CENPP: variants seen among roughly 807,000 people sequenced by gnomAD.
CENPP encodes centromere protein P.
In CENPP, 24 loss-of-function variants were observed where a neutral mutation model predicts 35.6. The observed-to-expected ratio is 0.67, with a 90% CI of 0.49 to 0.95. The LOEUF (loss-of-function observed/expected upper bound fraction) is 0.95. CENPP is among the 40% of genes least tolerant of loss of function. The pLI, the probability that CENPP is intolerant of heterozygous loss-of-function variation, is 0.00. For missense variants in CENPP, 332 were observed against 345.3 expected (o/e 0.96, Z 0.31); for synonymous variants, 120 against 125.5 (o/e 0.96, Z 0.29).
At chr9:92,407,679 T>A (rs1368710045) in intron 5 of CENPP, among the ~76,000 whole-genome samples, 2 of 152,164 alleles carry the variant, frequency 1.3e-5, no homozygotes, top group Non-Finnish European at 2.9e-5. Context: ...CGATCATGAC[T>A]CTCTGCAGCC....
intron 5 of CENPP, chr9:92,502,400 C>A: frequency 7.7e-7 from 1 of 1,306,672 alleles, no homozygotes; most frequent in Non-Finnish European, 1.1e-6. Context: ...GTCTCCGAGC[C>A]CTTCAGTATC....
At chr9:92,506,723 G>C (rs1847028961) in intron 5 of CENPP, among the ~76,000 whole-genome samples, 3 of 152,134 alleles carry the variant, frequency 2.0e-5, no homozygotes, top group Admixed American at 2.0e-4. Flanking sequence ...CAGACAGAAA[G>C]ATTTAGATAG....
At chr9:92,429,716 G>A (rs1844056155) in intron 5 of CENPP, among the ~76,000 whole-genome samples, 2 of 152,098 alleles carry the variant, frequency 1.3e-5, no homozygotes, top group South Asian at 2.1e-4. Context: ...GAACCCAGGA[G>A]GCGGAGGTTG....
At chr9:92,359,113 C>T (rs1841671687) in intron 4 of CENPP, among the ~76,000 whole-genome samples, 1 of 151,912 alleles carries the variant, frequency 6.6e-6, no homozygotes, top group Non-Finnish European at 1.5e-5. Flanking sequence ...CCACACCCAG[C>T]TAATTTTGTA....
chr9:92,609,387 G>A (rs1005696025), intron 5 of CENPP, among the ~76,000 whole-genome samples: 2 of 152,230 alleles, frequency 1.3e-5, no homozygotes. Flanking sequence ...CAAGTCTCTG[G>A]AGCAGCAGGA....
At chr9:92,431,674 A>G (rs948629055) in intron 5 of CENPP, among the ~76,000 whole-genome samples, 4 of 151,972 alleles carry the variant, frequency 2.6e-5, no homozygotes, top group Non-Finnish European at 5.9e-5. Flanking sequence ...TCCCAGGTTC[A>G]AGCAATTCTT....
chr9:92,375,219 G>A (rs372179449), intron 4 of CENPP, among the ~76,000 whole-genome samples: 2 of 151,080 alleles, frequency 1.3e-5, no homozygotes, highest in African/African-American at 2.4e-5. Context: ...CTTAGGCTCC[G>A]TTTATTTTTC....
chr9:92,492,943 C>T (rs1245200512), intron 5 of CENPP, among the ~76,000 whole-genome samples: 9 of 152,144 alleles, frequency 5.9e-5, no homozygotes, highest in Non-Finnish European at 1.2e-4. Flanking sequence ...CCATTTAAGG[C>T]GGTCAGGGGC....
chr9:92,515,915 G>C (rs1219958816), intron 5 of CENPP, among the ~76,000 whole-genome samples: 2 of 152,134 alleles, frequency 1.3e-5, no homozygotes, highest in Non-Finnish European at 2.9e-5. Context: ...ATGATGGTGG[G>C]AGTAGAATAG....
chr9:92,556,301 G>T (rs1849722799), intron 5 of CENPP, among the ~76,000 whole-genome samples: 1 of 151,990 alleles, frequency 6.6e-6, no homozygotes, highest in Non-Finnish European at 1.5e-5. Context: ...TCATTTTATG[G>T]CCTATCATAT....
At chr9:92,432,821 T>C (rs1844147748) in intron 5 of CENPP, among the ~76,000 whole-genome samples, 1 of 152,246 alleles carries the variant, frequency 6.6e-6, no homozygotes, top group South Asian at 2.1e-4. Flanking sequence ...AGATGCATTT[T>C]ACTTGGTGAA....
intron 5 of CENPP, among the ~76,000 whole-genome samples, chr9:92,521,118 T>C (rs1466136124): frequency 3.3e-5 from 5 of 152,232 alleles, no homozygotes; most frequent in African/African-American, 1.2e-4. Flanking sequence ...TTATGTGTGG[T>C]GATACAATCA....
intron 5 of CENPP, chr9:92,393,107 C>T (rs780550892): frequency 2.3e-5 from 37 of 1,613,254 alleles, no homozygotes; most frequent in Middle Eastern, 1.6e-4. Context: ...AAATCTTTGG[C>T]AGTCAGCTTT....
chr9:92,373,419 TG>T (rs1276289027), intron 4 of CENPP, among the ~76,000 whole-genome samples: 1 of 152,228 alleles, frequency 6.6e-6, no homozygotes, highest in Non-Finnish European at 1.5e-5. Flanking sequence ...GAATTTGTTT[TG>T]TTCTTTTAAA....
intron 5 of CENPP, chr9:92,389,739 TATTAA>T (rs1198809130): frequency 8.9e-6 from 6 of 673,966 alleles, no homozygotes; most frequent in Non-Finnish European, 1.5e-5. Flanking sequence ...TGTCTTCATT[TATTAA>T]ATCAAAATAG....
At chr9:92,515,917 G>A (rs1383437094) in intron 5 of CENPP, among the ~76,000 whole-genome samples, 2 of 152,162 alleles carry the variant, frequency 1.3e-5, no homozygotes, top group African/African-American at 4.8e-5. Flanking sequence ...GATGGTGGGA[G>A]TAGAATAGAT....
intron 4 of CENPP, among the ~76,000 whole-genome samples, chr9:92,359,639 C>T (rs369234632): frequency 7.9e-5 from 12 of 152,070 alleles, no homozygotes; most frequent in South Asian, 4.1e-4. Flanking sequence ...CCTTTTAAGT[C>T]CCCTGGAAAT....
In CENPP at chr9:92,615,202, A is replaced by G. The variant is rs1851395837; in HGVS notation, c.*2053A>G. The G allele has an allele frequency of 6.6e-6, 1 of 152,348 alleles. No individual in the cohort carries two copies. 9.4% of individuals were successfully genotyped at this position (152,348 alleles called of 1,614,324 possible). A position where few individuals can be genotyped will look rare whatever the true frequency, so the allele number is the denominator to read the frequency against. On this transcript the variant is annotated 3_prime_UTR_variant, in exon 8 of 8. Transcript: ENST00000375587. ...CATGAGTGGTGTCCATCCTGACCTGAGCCTTGCGCTCCCTGCTGCCCTGTG... is the reference window on the plus strand; with the variant it reads ...CATGAGTGGTGTCCATCCTGACCTGGGCCTTGCGCTCCCTGCTGCCCTGTG...
At chr9:92,368,486 T>C (rs188067438) in intron 4 of CENPP, among the ~76,000 whole-genome samples, 2 of 152,306 alleles carry the variant, frequency 1.3e-5, no homozygotes, top group East Asian at 3.9e-4. Context: ...GATCAAGAGC[T>C]ACACCAAATT....
Sources: gnomAD v4.1 joint callset for allele counts (sites outside exome capture counted in the v4.1 genomes callset) on GRCh38, gnomAD v4.1.1 for gene constraint, MANE v1.5 for transcripts, NCBI Gene and HGNC (gene_info 2026-07-23, HGNC 2026-07-21) for gene names.